Variants in FHIT observed in about 807,000 individuals in gnomAD.
FHIT encodes fragile histidine triad diadenosine triphosphatase, also known as bis(5'-adenosyl)-triphosphatase.
In FHIT, 19 loss-of-function variants were observed where a neutral mutation model predicts 17.9. The ratio of observed to expected loss-of-function variants is 1.06; its 90% CI spans 0.74 to 1.56. The LOEUF (loss-of-function observed/expected upper bound fraction) is 1.56, where lower values mean the gene tolerates loss of function less well. FHIT is among the 40% of genes most tolerant of loss of function. FHIT has a pLI of 0.00. For missense variants in FHIT, 248 were observed against 189.2 expected (o/e 1.31, Z -1.82); for synonymous variants, 81 against 69.7 (o/e 1.16, Z -0.81).
chr3:61,094,077 G>C lies in FHIT; in HGVS notation c.-163-51978C>G, dbSNP rs112117893. Among the ~76,000 whole-genome samples the C allele has an allele frequency of 7.1e-3, 1,081 of 151,896 alleles. 13 individuals are homozygous for C. Among genetic ancestry groups the C allele is most frequent in the African/African-American group, 0.025 (1,024 of 41,348 alleles). ...TCCTTAAAACCTCTGAAATTAAAAA[G>C]AAAAAATTACACATATGCACATATA... On this transcript the variant is annotated intron_variant, in intron 2 of 9. Transcript: ENST00000492590.
At chr3:59,959,248 C>T (rs899839363) in intron 7 of FHIT, among the ~76,000 whole-genome samples, 2 of 152,204 alleles carry the variant, frequency 1.3e-5, no homozygotes, top group African/African-American at 2.4e-5. Context: ...TTCTTTGATG[C>T]TTCTCAATCA....
intron 4 of FHIT, among the ~76,000 whole-genome samples, chr3:60,714,581 C>G (rs1553706159): frequency 6.6e-6 from 1 of 152,174 alleles, no homozygotes. Flanking sequence ...GCAACTTCAG[C>G]AAAGTCTCAG....
At chr3:61,041,693 A>G (rs1167902627) in intron 3 of FHIT, among the ~76,000 whole-genome samples, 1 of 152,156 alleles carries the variant, frequency 6.6e-6, no homozygotes, top group Non-Finnish European at 1.5e-5. Flanking sequence ...CAAAAAAAAA[A>G]AAAATCCGCT....
chr3:60,791,467 C>G (rs1290814676), intron 4 of FHIT, among the ~76,000 whole-genome samples: 1 of 152,128 alleles, frequency 6.6e-6, no homozygotes, highest in Non-Finnish European at 1.5e-5. Flanking sequence ...TAAGCATAAG[C>G]TAAATGACTA....
intron 5 of FHIT, among the ~76,000 whole-genome samples, chr3:60,164,745 T>C (rs1701089042): frequency 6.6e-6 from 1 of 152,120 alleles, no homozygotes; most frequent in African/African-American, 2.4e-5. Flanking sequence ...TGCCAGTGTT[T>C]TCTCCACCCT....
intron 3 of FHIT, among the ~76,000 whole-genome samples, chr3:60,988,946 TAAA>T (rs535898632): frequency 0.039 from 1,319 of 34,148 alleles, 2 homozygotes; most frequent in African/African-American, 0.15. Context: ...ATGGCTTTGT[TAAA>T]AAAAAAAAAA....
chr3:61,168,717 T>C (rs1343695384), intron 2 of FHIT, among the ~76,000 whole-genome samples: 1 of 152,220 alleles, frequency 6.6e-6, no homozygotes, highest in Non-Finnish European at 1.5e-5. Context: ...TCCCACTATA[T>C]TGTCTTCTCT....
intron 7 of FHIT, among the ~76,000 whole-genome samples, chr3:59,985,825 G>A (rs1031863651): frequency 2.1e-4 from 32 of 152,124 alleles, no homozygotes; most frequent in Admixed American, 6.6e-4. Context: ...CCGTCACAGC[G>A]CAGGTGTCCA....
chr3:59,860,210 A>G (rs1216024644), intron 8 of FHIT, among the ~76,000 whole-genome samples: 3 of 152,236 alleles, frequency 2.0e-5, no homozygotes, highest in African/African-American at 7.2e-5. Flanking sequence ...ATACATGATT[A>G]GAATCCTTCT....
At chr3:60,886,788 C>T (rs1705242795) in intron 3 of FHIT, among the ~76,000 whole-genome samples, 1 of 152,120 alleles carries the variant, frequency 6.6e-6, no homozygotes, top group African/African-American at 2.4e-5. Flanking sequence ...CCAGTTAATA[C>T]ATTCCTCCAT....
intron 5 of FHIT, among the ~76,000 whole-genome samples, chr3:60,483,488 G>A (rs113200315): frequency 1.3e-5 from 2 of 152,174 alleles, no homozygotes; most frequent in African/African-American, 4.8e-5. Flanking sequence ...CCACGATCAA[G>A]TCAGCTTCAT....
At chr3:60,069,254 AACT>A (rs1317863623) in intron 5 of FHIT, among the ~76,000 whole-genome samples, 1 of 150,756 alleles carries the variant, frequency 6.6e-6, no homozygotes, top group Non-Finnish European at 1.5e-5. Flanking sequence ...TTGTAATTTG[AACT>A]ACTTTTTTTT....
At chr3:60,288,889 C>G (rs139759005) in intron 5 of FHIT, among the ~76,000 whole-genome samples, 1 of 152,146 alleles carries the variant, frequency 6.6e-6, no homozygotes, top group African/African-American at 2.4e-5. Context: ...CATATAATAA[C>G]TGAAATATGA....
At chr3:59,899,223 G>T (rs143614685) in intron 8 of FHIT, among the ~76,000 whole-genome samples, 4 of 152,278 alleles carry the variant, frequency 2.6e-5, no homozygotes, top group African/African-American at 9.6e-5. Flanking sequence ...GGTCACATGC[G>T]GGCACATGAG....
At chr3:60,800,827 C>T (rs1407833218) in intron 4 of FHIT, among the ~76,000 whole-genome samples, 1 of 152,140 alleles carries the variant, frequency 6.6e-6, no homozygotes, top group Non-Finnish European at 1.5e-5. Flanking sequence ...TCTGTTAGTC[C>T]TTGGCTGTGG....
At chr3:60,443,462 A>G (rs1461514230) in intron 5 of FHIT, among the ~76,000 whole-genome samples, 2 of 152,116 alleles carry the variant, frequency 1.3e-5, no homozygotes, top group African/African-American at 4.8e-5. Flanking sequence ...TACCTAATTT[A>G]TTGAGAGTTT....
At chr3:60,718,769 T>C (rs2041743796) in intron 4 of FHIT, among the ~76,000 whole-genome samples, 1 of 152,178 alleles carries the variant, frequency 6.6e-6, no homozygotes, top group Non-Finnish European at 1.5e-5. Context: ...TCCAATTAAT[T>C]TGAAAACTCA....
intron 3 of FHIT, among the ~76,000 whole-genome samples, chr3:60,834,408 A>G (rs1292331829): frequency 6.6e-6 from 1 of 152,200 alleles, no homozygotes; most frequent in Non-Finnish European, 1.5e-5. Context: ...TAACCTCTTC[A>G]GTAAAATGTC....
chr3:59,763,125 G>A (rs903500903), intron 8 of FHIT, among the ~76,000 whole-genome samples: 5 of 152,188 alleles, frequency 3.3e-5, no homozygotes, highest in African/African-American at 9.7e-5. Flanking sequence ...ACAGTACTCA[G>A]AACAAGGAAT....
Sources: gnomAD v4.1 joint callset for allele counts (sites outside exome capture counted in the v4.1 genomes callset) on GRCh38, gnomAD v4.1.1 for gene constraint, MANE v1.5 for transcripts, NCBI Gene and HGNC (gene_info 2026-07-23, HGNC 2026-07-21) for gene names.